The following NRG3 variants were observed in gnomAD, a reference collection of about 807,000 sequenced individuals.
NRG3 encodes the protein neuregulin 3.
In NRG3, 31 loss-of-function variants were observed where a neutral mutation model predicts 66.9. That is an observed-to-expected ratio of 0.46 (90% CI 0.35 to 0.63). NRG3 has a LOEUF of 0.63. NRG3 is among the 20% of genes least tolerant of loss of function. The pLI is 0.00. For missense variants in NRG3, 910 were observed against 878.9 expected (o/e 1.04, Z -0.45); for synonymous variants, 393 against 359.4 (o/e 1.09, Z -1.06).
intron 1 of NRG3, among the ~76,000 whole-genome samples, chr10:81,952,011 C>T (rs1242960957): frequency 6.6e-6 from 1 of 151,712 alleles, no homozygotes; most frequent in Non-Finnish European, 1.5e-5. Flanking sequence ...TCTCAGCAAA[C>T]TATCACAAGG....
At chr10:82,288,385 G>T (rs1440991174) in intron 1 of NRG3, among the ~76,000 whole-genome samples, 1 of 152,142 alleles carries the variant, frequency 6.6e-6, no homozygotes, top group Admixed American at 6.5e-5. Context: ...AATGGGAAGG[G>T]CGCAAAGCTC....
intron 2 of NRG3, among the ~76,000 whole-genome samples, chr10:82,460,828 T>A (rs1233560673): frequency 6.6e-6 from 1 of 152,154 alleles, no homozygotes; most frequent in African/African-American, 2.4e-5. Context: ...AGAAGAGCCC[T>A]CTATCCTCCC....
chr10:82,556,385 A>G (rs955068849), intron 2 of NRG3, among the ~76,000 whole-genome samples: 1 of 152,060 alleles, frequency 6.6e-6, no homozygotes, highest in South Asian at 2.1e-4. Flanking sequence ...TGGTGAATCT[A>G]ACAGTAAAGT....
chr10:82,145,069 A>G (rs964622813), intron 1 of NRG3, among the ~76,000 whole-genome samples: 1 of 152,128 alleles, frequency 6.6e-6, no homozygotes, highest in East Asian at 1.9e-4. Context: ...TTTAAAGGGG[A>G]TGCAGCTGTC....
intron 2 of NRG3, among the ~76,000 whole-genome samples, chr10:82,489,824 G>T (rs1409319704): frequency 1.3e-5 from 2 of 152,038 alleles, no homozygotes; most frequent in African/African-American, 4.8e-5. Context: ...AAGATGCTAG[G>T]ACTTAAAAAA....
At position 82,556,794 on chromosome 10, in the gene NRG3, G is replaced by A. The variant is rs374849875; in HGVS notation, c.954-181783G>A. 4.6e-5 allele frequency among the ~76,000 whole-genome samples: 7 copies of A among 152,082 alleles called. No homozygotes were observed. In the East Asian group the frequency reaches 1.4e-3, roughly 29 times the overall value. On this transcript the variant is annotated intron_variant, in intron 2 of 8. Transcript: ENST00000372141. ...TTTTCTGCTCCTCTCCCTCCTCCAA[G>A]CCTCCACCCTGAAGTAGATCCCAGT... is the stretch of plus-strand genomic sequence containing the variant.
intron 2 of NRG3, among the ~76,000 whole-genome samples, chr10:82,426,415 G>T (rs899039635): frequency 7.3e-5 from 11 of 151,272 alleles, no homozygotes; most frequent in Non-Finnish European, 1.3e-4. Flanking sequence ...GTATTCAAAT[G>T]TGTCTCTAGT....
intron 3 of NRG3, among the ~76,000 whole-genome samples, chr10:82,793,147 A>C (rs1591541907): frequency 6.6e-6 from 1 of 152,192 alleles, no homozygotes; most frequent in South Asian, 2.1e-4. Flanking sequence ...AATGTTGATC[A>C]TTCCATCTGG....
chr10:82,833,736 A>C (rs1392214749), intron 3 of NRG3, among the ~76,000 whole-genome samples: 1 of 152,192 alleles, frequency 6.6e-6, no homozygotes, highest in Non-Finnish European at 1.5e-5. Context: ...ACTACGTGCC[A>C]TGACACACAC....
At chr10:82,962,187 G>T (rs1290390185) in intron 6 of NRG3, among the ~76,000 whole-genome samples, 1 of 152,142 alleles carries the variant, frequency 6.6e-6, no homozygotes, top group Non-Finnish European at 1.5e-5. Context: ...CCCTACCATT[G>T]TTTTAAAAAC....
intron 1 of NRG3, among the ~76,000 whole-genome samples, chr10:82,143,147 A>C (rs1452562396): frequency 6.6e-6 from 1 of 152,012 alleles, no homozygotes; most frequent in Non-Finnish European, 1.5e-5. Flanking sequence ...ACTTAGTGCT[A>C]GGTTCCAGTT....
intron 2 of NRG3, among the ~76,000 whole-genome samples, chr10:82,511,328 C>A (rs538880398): frequency 6.6e-6 from 1 of 152,290 alleles, no homozygotes; most frequent in East Asian, 1.9e-4. Flanking sequence ...GTGCACGATT[C>A]TCTGCAGTGG....
chr10:82,053,823 T>C (rs945335724), intron 1 of NRG3, among the ~76,000 whole-genome samples: 13 of 152,138 alleles, frequency 8.5e-5, no homozygotes, highest in African/African-American at 3.1e-4. Flanking sequence ...ATGGATAGTT[T>C]GGAAGGAGCT....
intron 1 of NRG3, among the ~76,000 whole-genome samples, chr10:82,101,370 TCTG>T (rs2066711397): frequency 1.3e-5 from 2 of 151,874 alleles, no homozygotes; most frequent in African/African-American, 4.8e-5. Context: ...TGTATTTCCT[TCTG>T]CTTTCTTTAG....
chr10:81,903,121 T>TC (rs1451777230), intron 1 of NRG3, among the ~76,000 whole-genome samples: 1 of 152,036 alleles, frequency 6.6e-6, no homozygotes, highest in Non-Finnish European at 1.5e-5. Flanking sequence ...CTGTTCCATT[T>TC]CCCCCCATGA....
At chr10:81,994,328 G>T (rs992019804) in intron 1 of NRG3, among the ~76,000 whole-genome samples, 3 of 151,894 alleles carry the variant, frequency 2.0e-5, no homozygotes, top group African/African-American at 4.8e-5. Context: ...TTCTATTTAT[G>T]ATTTAAATTG....
chr10:82,981,930 T>C (rs1392545543), intron 8 of NRG3, among the ~76,000 whole-genome samples: 1 of 152,200 alleles, frequency 6.6e-6, no homozygotes, highest in Non-Finnish European at 1.5e-5. Flanking sequence ...CTAGCAACTT[T>C]ATATACTTCT....
At chr10:82,098,816 C>G (rs1390818146) in intron 1 of NRG3, among the ~76,000 whole-genome samples, 1 of 152,054 alleles carries the variant, frequency 6.6e-6, no homozygotes, top group Non-Finnish European at 1.5e-5. Flanking sequence ...CAGGCTGGAG[C>G]GCAGTGGTGC....
chr10:82,400,105 G>A (rs147118333), intron 2 of NRG3, among the ~76,000 whole-genome samples: 224 of 152,144 alleles, frequency 1.5e-3, no homozygotes, highest in African/African-American at 5.0e-3. Context: ...GAAAAAGAAA[G>A]CAAAGCATAG....
Sources: gnomAD v4.1 joint callset for allele counts (sites outside exome capture counted in the v4.1 genomes callset) on GRCh38, gnomAD v4.1.1 for gene constraint, MANE v1.5 for transcripts, NCBI Gene and HGNC (gene_info 2026-07-23, HGNC 2026-07-21) for gene names.